Variants in NCAPD3 observed in about 807,000 individuals in gnomAD.
NCAPD3 encodes condensin-2 complex subunit D3.
Under a neutral mutation model 182.9 loss-of-function variants are expected in NCAPD3, and 105 were observed. The observed-to-expected ratio is 0.57, with a 90% CI of 0.49 to 0.68. NCAPD3 has a LOEUF of 0.68. NCAPD3 is among the 30% of genes least tolerant of loss of function. The pLI, the probability that NCAPD3 is intolerant of heterozygous loss-of-function variation, is 0.00. For synonymous variants in NCAPD3, 815 were observed against 679.9 expected, an observed-to-expected ratio of 1.20 and a Z score of -3.09; for missense variants, 1,944 against 1,837.0, an observed-to-expected ratio of 1.06 and a Z score of -1.07.
chr11:134,215,319 G>A (rs1262920270), intron 3 of NCAPD3, among the ~76,000 whole-genome samples: 2 of 152,166 alleles, frequency 1.3e-5, no homozygotes, highest in South Asian at 2.1e-4. Context: ...GGAGGTTCTA[G>A]CCAGGGCAAA....
At chr11:134,175,483 AC>A (rs1233157579) in intron 24 of NCAPD3, among the ~76,000 whole-genome samples, 1 of 152,178 alleles carries the variant, frequency 6.6e-6, no homozygotes, top group Non-Finnish European at 1.5e-5. Flanking sequence ...GGAAAATCAC[AC>A]CTAAAGAAAA....
Position 134,160,055 on chromosome 11 carries a change from C to T in NCAPD3, c.3704G>A (p.Arg1235Gln), listed in dbSNP as rs375438498. Reference protein sequence around the residue: ...HYLREVMQDYRDELKDFFAVD... With the variant: ...HYLREVMQDYQDELKDFFAVD... ...TGCAAAGAAGTCCTTGAGCTCATCTCGGTAATCCTGCATCACCTCCTGAAA... is the reference window on the plus strand; with the variant it reads ...TGCAAAGAAGTCCTTGAGCTCATCTTGGTAATCCTGCATCACCTCCTGAAA... The change falls in exon 29 of 35, where the codon CGA becomes CAA. Residue 1235 changes from arginine (R) to glutamine (Q), a missense_variant. This residue lies in a region of NCAPD3 where 1,803 missense variants were observed against 1,674.6 expected (regional missense o/e 1.08). Coordinates refer to ENST00000534548, the MANE Select transcript of NCAPD3 (RefSeq NM_015261.3). 5.6e-6 allele frequency: 9 copies of T among 1,613,928 alleles called. No individual in the cohort carries two copies. The highest frequency in any genetic ancestry group is 2.2e-5 in the East Asian group (1 of 44,898).
intron 19 of NCAPD3, chr11:134,183,140 T>C: frequency 2.2e-6 from 1 of 456,284 alleles, no homozygotes; most frequent in Non-Finnish European, 4.4e-6. Flanking sequence ...ACATGATTCT[T>C]TTTCCAACCA....
intron 3 of NCAPD3, among the ~76,000 whole-genome samples, chr11:134,213,358 C>T (rs1349174681): frequency 6.6e-6 from 1 of 151,410 alleles, no homozygotes; most frequent in African/African-American, 2.4e-5. Flanking sequence ...GTCTCACTGT[C>T]ACCCAGGCTG....
At position 134,203,972 on chromosome 11, in the gene NCAPD3, C is replaced by CT. The variant is rs535153224; in HGVS notation, c.1216-67_1216-66insA. The stretch of plus-strand genomic sequence containing the variant: ...TAAGAACCAAAGAACCCTCCTCATT[C>CT]AGACCTAGAAAAAGAGACCCTTTTA... On this transcript the variant is annotated intron_variant, in intron 10 of 34. Coordinates refer to ENST00000534548, the MANE Select transcript of NCAPD3 (RefSeq NM_015261.3). The CT allele has an allele frequency of 2.5e-6, 4 of 1,601,786 alleles. No homozygotes were observed. The South Asian group carries it at 3.3e-5, about 13-fold the overall frequency.
intron 3 of NCAPD3, among the ~76,000 whole-genome samples, chr11:134,213,710 T>C (rs750104177): frequency 2.0e-5 from 3 of 151,198 alleles, no homozygotes; most frequent in Non-Finnish European, 4.4e-5. Context: ...AACATATGGA[T>C]AGGTTACAAA....
chr11:134,216,435 C>T (rs772031859), intron 3 of NCAPD3, among the ~76,000 whole-genome samples: 1 of 152,214 alleles, frequency 6.6e-6, no homozygotes, highest in African/African-American at 2.4e-5. Context: ...CTCCTCAGTG[C>T]TCTGACAATC....
chr11:134,152,803 C>G lies in NCAPD3; in HGVS notation c.*141G>C. ...TACAGAATAGAAGGTGAGTGCCAGG[C>G]CCCTGAGGAGGAGCTCTCGTGTTCC... On this transcript the variant is annotated 3_prime_UTR_variant, in exon 35 of 35. Transcript: ENST00000534548. 1.5e-6 allele frequency: 1 copy of G among 650,786 alleles called. No homozygotes were observed. The highest frequency in any genetic ancestry group is 2.6e-5 in the East Asian group (1 of 38,742). The allele number at this position is 650,786 out of a possible 1,614,324, so 40.3% of individuals were successfully genotyped here.
intron 1 of NCAPD3, among the ~76,000 whole-genome samples, chr11:134,221,486 T>C (rs78986084): frequency 9.2e-5 from 14 of 152,134 alleles, no homozygotes; most frequent in African/African-American, 1.4e-4. Flanking sequence ...CAACCCGTCA[T>C]CTACATTAGG....
intron 3 of NCAPD3, among the ~76,000 whole-genome samples, chr11:134,212,410 T>TGTGTGTGTGTGTGTGTGTGTGTGTG (rs1565556933): frequency 6.6e-6 from 1 of 151,486 alleles, no homozygotes. Context: ...TGTGTGTGTG[T>TGTGTGTGTGTGTGTGTGTGTGTGTG]TCCACTGGAG....
chr11:134,172,389 A>T (rs570108029), intron 24 of NCAPD3, among the ~76,000 whole-genome samples: 1 of 152,188 alleles, frequency 6.6e-6, no homozygotes, highest in Admixed American at 6.5e-5. Flanking sequence ...TACCCTGCTG[A>T]TCCTTCCAGT....
intron 22 of NCAPD3, chr11:134,177,746 C>T: frequency 2.5e-6 from 1 of 393,586 alleles, no homozygotes; most frequent in Non-Finnish European, 4.6e-6. Context: ...CGCAGTTATC[C>T]CCTTACCTGG....
intron 13 of NCAPD3, among the ~76,000 whole-genome samples, chr11:134,202,588 C>T (rs1446084199): frequency 1.3e-5 from 2 of 151,498 alleles, no homozygotes; most frequent in East Asian, 1.9e-4. Context: ...GATGTGTTGC[C>T]CAGGCTGGTC....
chr11:134,196,265 AACG>A (rs201046885), intron 13 of NCAPD3, among the ~76,000 whole-genome samples: 1,780 of 152,360 alleles, frequency 0.012, 30 homozygotes, highest in African/African-American at 0.041. Context: ...AAATTTTTAG[AACG>A]ACAAGTTTTA....
intron 15 of NCAPD3, 88 bp from the exon 16 acceptor site, chr11:134,192,997 C>T (rs899353924): frequency 1.3e-6 from 1 of 750,006 alleles, no homozygotes. Context: ...AAAATAATCA[C>T]ACCTTCAACT....
chr11:134,193,042 T>C, intron 15 of NCAPD3, 133 bp from the exon 16 acceptor site: 1 of 580,920 alleles, frequency 1.7e-6, no homozygotes, highest in Non-Finnish European at 3.0e-6. Flanking sequence ...AGAAAAAAAT[T>C]CAAAAAATAT....
chr11:134,210,015 C>A (rs1334250635), intron 4 of NCAPD3, among the ~76,000 whole-genome samples: 1 of 151,970 alleles, frequency 6.6e-6, no homozygotes, highest in Non-Finnish European at 1.5e-5. Context: ...GAGACTGCAC[C>A]ACTGCACTCC....
intron 11 of NCAPD3, 60 bp downstream of exon 11, chr11:134,203,594 G>A: frequency 6.4e-7 from 1 of 1,573,888 alleles, no homozygotes; most frequent in Admixed American, 1.7e-5. Context: ...CGATTCCCTT[G>A]CAGTCTATTT....
Position 134,161,882 on chromosome 11 carries a change from T to C in NCAPD3, c.3583A>G (p.Arg1195Gly), listed in dbSNP as rs770679536. 2 of 1,523,524 alleles carry C rather than the reference T, an allele frequency of 1.3e-6. No individual in the cohort carries two copies. The highest frequency in any genetic ancestry group is 1.8e-6 in the Non-Finnish European group (2 of 1,109,792). The allele number at this position is 1,523,524 out of a possible 1,614,324, so 94.4% of individuals were successfully genotyped here. Residue 1195 changes from arginine to glycine, a missense_variant, in exon 28 of 35, where the codon AGG (arginine) becomes GGG (glycine). This residue lies in a region of NCAPD3 where 1,803 missense variants were observed against 1,674.6 expected (regional missense o/e 1.08). Coordinates refer to ENST00000534548, the MANE Select transcript of NCAPD3 (RefSeq NM_015261.3). ...QKKLISQVQK[R>G]NFIENIIPII... ...GGAATAATATTTTCTATGAAATTCC[T>C]CTTCTGAACCTGGTAACACAAACAA...
Sources: gnomAD v4.1 joint callset for allele counts (sites outside exome capture counted in the v4.1 genomes callset) on GRCh38, gnomAD v4.1.1 for gene constraint, gnomAD v4.1.1 regional missense constraint, MANE v1.5 for transcripts, NCBI Gene and HGNC (gene_info 2026-07-23, HGNC 2026-07-21) for gene names.